The following PMS2 variants were observed in gnomAD, a reference collection of about 807,000 sequenced individuals.
PMS2 encodes mismatch repair endonuclease PMS2.
PMS2 carries 69 observed loss-of-function variants against 90.0 expected under a neutral mutation model. The ratio of observed to expected loss-of-function variants is 0.77; its 90% CI spans 0.63 to 0.94. The LOEUF is 0.94. PMS2 is among the 40% of genes least tolerant of loss of function. The pLI is 0.00. For synonymous variants in PMS2, 332 were observed against 375.1 expected (o/e 0.89, Z 1.33); for missense variants, 966 against 1,040.2 (o/e 0.93, Z 0.98).
At chr7:5,994,633 A>G (rs989189974) in intron 8 of PMS2, among the ~76,000 whole-genome samples, 2 of 148,610 alleles carry the variant, frequency 1.3e-5, no homozygotes, top group Non-Finnish European at 3.0e-5. Flanking sequence ...AAAATTAACC[A>G]GGCGTGGTGG....
chr7:5,989,942 G>T lies in PMS2; in HGVS notation c.1002C>A (p.Ile334=), dbSNP rs2128748866. ...TTTGCCTTTTATCTGGAGTAACATT[G>T]ATATCAACGCATTCTAAGGCAAAAA... is the stretch of plus-strand genomic sequence containing the variant. The part of the protein sequence containing the change: ...NISVDSECVD[I]NVTPDKRQIL... Residue 334 remains isoleucine (I), a synonymous_variant, in exon 10 of 15, where the codon ATC becomes ATA. Coordinates refer to ENST00000265849, the MANE Select transcript of PMS2 (RefSeq NM_000535.7). The T allele has an allele frequency of 6.2e-7, 1 of 1,604,358 alleles. No homozygotes were observed.
chr7:6,007,335 C>T (rs933647234), intron 1 of PMS2, among the ~76,000 whole-genome samples: 1 of 151,958 alleles, frequency 6.6e-6, no homozygotes, highest in African/African-American at 2.4e-5. Flanking sequence ...AGGCTGGTCT[C>T]GAACTCCTGA....
At chr7:5,984,740 G>A (rs186081940) in intron 11 of PMS2, among the ~76,000 whole-genome samples, 174 of 151,746 alleles carry the variant, frequency 1.1e-3, no homozygotes, top group Admixed American at 0.011. Flanking sequence ...AGCTGAGATC[G>A]TGCCAGTGCA....
chr7:6,002,682 A>G (rs1785240576), intron 4 of PMS2, 46 bp from the exon 5 acceptor site: 1 of 1,448,464 alleles, frequency 6.9e-7, no homozygotes, highest in South Asian at 1.1e-5. Flanking sequence ...GAGACCCATG[A>G]TGTTGGGCAC....
At chr7:5,989,695 A>G in intron 10 of PMS2, 105 bp downstream of exon 10, 1 of 832,702 alleles carries the variant, frequency 1.2e-6, no homozygotes, top group Non-Finnish European at 2.0e-6. Context: ...ATAAAATAAT[A>G]TAAGAGACTT....
chr7:5,981,047 A>T (rs557076485), intron 12 of PMS2, among the ~76,000 whole-genome samples: 19 of 151,816 alleles, frequency 1.3e-4, no homozygotes, highest in South Asian at 8.3e-4. Flanking sequence ...TACGTGGTTT[A>T]ATTTCCCACA....
chr7:5,998,007 C>T (rs1784623809), intron 6 of PMS2, among the ~76,000 whole-genome samples: 1 of 151,566 alleles, frequency 6.6e-6, no homozygotes, highest in Non-Finnish European at 1.5e-5. Context: ...ACGCAGTATA[C>T]GAGTGTCTCT....
chr7:6,003,164 C>G, intron 4 of PMS2: 1 of 163,584 alleles, frequency 6.1e-6, no homozygotes, highest in Non-Finnish European at 1.3e-5. Context: ...AGTGGTGGTG[C>G]ATGCCTATAG....
intron 10 of PMS2, among the ~76,000 whole-genome samples, chr7:5,989,487 T>C (rs1783472584): frequency 6.6e-6 from 1 of 151,924 alleles, no homozygotes; most frequent in African/African-American, 2.4e-5. Context: ...AGACTTCTTC[T>C]AATCATATAT....
intron 7 of PMS2, 144 bp from the exon 8 acceptor site, chr7:5,995,777 C>G: frequency 1.4e-6 from 1 of 695,484 alleles, no homozygotes; most frequent in South Asian, 1.6e-5. Flanking sequence ...TCACGGGTAT[C>G]TGTGCTCCAA....
intron 11 of PMS2, 74 bp from the exon 12 acceptor site, chr7:5,983,065 T>C: frequency 6.4e-7 from 1 of 1,560,834 alleles, no homozygotes; most frequent in Non-Finnish European, 8.7e-7. Context: ...AACACTGTAA[T>C]AAAAAAAAAG....
intron 8 of PMS2, among the ~76,000 whole-genome samples, chr7:5,993,415 A>G (rs1216045413): frequency 4.6e-5 from 1 of 21,524 alleles, no homozygotes; most frequent in Non-Finnish European, 7.7e-5. Flanking sequence ...AAAACAAAAT[A>G]TTACTGAGGT....
rs1060503144 is a variant in PMS2, at chr7:5,982,936, T to C, written c.2062A>G (p.Ile688Val). The part of the protein sequence containing the change: ...IIGQFNLGFI[I>V]TKLNEDIFIV... ...AAGATATCCTCATTCAGTTTGGTTA[T>C]TATAAATCCCAGGTTAAACTGACCA... The change falls in exon 12 of 15, where the codon ATA (isoleucine) becomes GTA (valine). Residue 688 changes from isoleucine to valine, a missense_variant. Coordinates refer to ENST00000265849, the MANE Select transcript of PMS2 (RefSeq NM_000535.7). 10 of 1,590,374 alleles carry C rather than the reference T, an allele frequency of 6.3e-6. No homozygotes were observed. The highest frequency in any genetic ancestry group is 1.9e-4 in the Middle Eastern group (1 of 5,152).
At chr7:5,984,408 A>C (rs1782641356) in intron 11 of PMS2, among the ~76,000 whole-genome samples, 2 of 151,826 alleles carry the variant, frequency 1.3e-5, no homozygotes, top group South Asian at 2.1e-4. Flanking sequence ...AAATCCGGTG[A>C]AAATGGATTT....
chr7:5,976,066 C>T (rs1175402368), intron 14 of PMS2, among the ~76,000 whole-genome samples: 2 of 144,768 alleles, frequency 1.4e-5, no homozygotes, highest in Admixed American at 1.4e-4. Flanking sequence ...TGGTGAAACC[C>T]CATCTCTATT....
chr7:6,003,889 G>C, intron 3 of PMS2, 83 bp downstream of exon 3: 1 of 1,268,448 alleles, frequency 7.9e-7, no homozygotes, highest in Non-Finnish European at 1.2e-6. Context: ...AACTGTTTTT[G>C]CATTTCCCAA....
At position 5,987,087 on chromosome 7, in the gene PMS2, A is replaced by T. The variant is rs370455197; in HGVS notation, c.1678T>A (p.Cys560Ser). 6.2e-7 allele frequency: 1 copy of T among 1,614,054 alleles called. No homozygotes were observed. The highest frequency in any genetic ancestry group is 8.5e-7 in the Non-Finnish European group (1 of 1,180,034). ...DCHSNQEDTGCKFRVLPQPTN... is the reference protein window; with the variant it reads ...DCHSNQEDTGSKFRVLPQPTN... ...GGCTGAGGCAAAACTCGAAATTTAC[A>T]TCCGGTATCTTCCTGGTTTGAATGG... The change falls in exon 11 of 15, where the codon TGT becomes AGT. Residue 560 changes from cysteine (C) to serine (S), a missense_variant. Cys to Ser is a moderately radical substitution (Grantham distance 112). Around this residue, in one of 2 missense-constraint regions of PMS2, gnomAD observed 871 missense variants for 802.4 expected, o/e 1.09. Transcript: ENST00000265849.
chr7:6,009,062 T>C (rs376080535), upstream of PMS2: 2 of 1,608,082 alleles, frequency 1.2e-6, no homozygotes. Context: ...GAAAGTTCCC[T>C]CCAGGGCTCC....
chr7:6,003,478 C>T (rs1785337007), intron 4 of PMS2: 2 of 566,136 alleles, frequency 3.5e-6, no homozygotes, highest in African/African-American at 1.9e-5. Flanking sequence ...TAAGGGTAAC[C>T]ATCTTTTTAA....
Sources: gnomAD v4.1 joint callset for allele counts (sites outside exome capture counted in the v4.1 genomes callset) on GRCh38, gnomAD v4.1.1 for gene constraint, gnomAD v4.1.1 regional missense constraint, MANE v1.5 for transcripts, NCBI Gene and HGNC (gene_info 2026-07-23, HGNC 2026-07-21) for gene names.